The following GNAZ variants were observed in gnomAD, a reference collection of about 807,000 sequenced individuals.
GNAZ encodes the protein G protein subunit alpha z.
Under a neutral mutation model 25.4 loss-of-function variants are expected in GNAZ, and 3 were observed. That is an observed-to-expected ratio of 0.12 (90% CI 0.05 to 0.30). The LOEUF (loss-of-function observed/expected upper bound fraction) is 0.30, where lower values mean the gene tolerates loss of function less well. Ranked by LOEUF, GNAZ falls within the 10% of genes least tolerant of loss-of-function variation. The probability of loss-of-function intolerance (pLI) is 1.00; values close to 1 mark genes in which losing one functional copy is unlikely to be tolerated. For missense variants in GNAZ, 241 were observed against 501.8 expected (o/e 0.48, Z 4.97); for synonymous variants, 211 against 205.7 (o/e 1.03, Z -0.22).
intron 2 of GNAZ, 103 bp downstream of exon 2, chr22:23,096,521 A>C: frequency 8.0e-7 from 1 of 1,247,578 alleles, no homozygotes; most frequent in Admixed American, 2.2e-5. Context: ...CAGAAAGGGA[A>C]CCAGGCGCAG....
rs1006491022 is a variant in GNAZ, at chr22:23,071,669, A to G, written c.-450+1099A>G. ...ACTGATTGACCACCGCATAGGGGAA[A>G]ACGTCTCTACTCGACCAACCCCGCT... On this transcript the variant is annotated intron_variant, in intron 1 of 2. Transcript: ENST00000615612. This position sits in a 1 kb window ranked among gnomAD's most constrained non-coding sequence, Gnocchi z 4.1. 5.3e-5 allele frequency among the ~76,000 whole-genome samples: 8 copies of G among 152,090 alleles called. No homozygotes were observed. The highest frequency in any genetic ancestry group is 1.9e-4 in the African/African-American group (8 of 41,418).
chr22:23,097,280 T>A (rs773473842), intron 2 of GNAZ, among the ~76,000 whole-genome samples: 15 of 152,230 alleles, frequency 9.9e-5, no homozygotes, highest in Non-Finnish European at 1.6e-4. Context: ...TTGGGAGCAC[T>A]GGCCTCCGAG....
chr22:23,080,076 G>A (rs2068634201), intron 1 of GNAZ, among the ~76,000 whole-genome samples: 1 of 152,194 alleles, frequency 6.6e-6, no homozygotes, highest in Admixed American at 6.5e-5. Context: ...CTCTCTCCAA[G>A]GCAGCAACCT....
At chr22:23,081,858 G>A (rs1304790569) in intron 1 of GNAZ, among the ~76,000 whole-genome samples, 1 of 148,920 alleles carries the variant, frequency 6.7e-6, no homozygotes, top group African/African-American at 2.5e-5. Flanking sequence ...AGGCGCAGTG[G>A]CTCACGCCTG....
At chr22:23,083,692 G>A (rs1047190376) in intron 1 of GNAZ, among the ~76,000 whole-genome samples, 5 of 152,190 alleles carry the variant, frequency 3.3e-5, no homozygotes, top group African/African-American at 1.2e-4. Flanking sequence ...GTCAGGGAAG[G>A]TGCCTGCAGG....
chr22:23,105,782 G>A (rs116488788), intron 2 of GNAZ, among the ~76,000 whole-genome samples: 254 of 152,332 alleles, frequency 1.7e-3, no homozygotes, highest in African/African-American at 5.7e-3. Flanking sequence ...GGGGAGCAGG[G>A]GTGCAGGTTA....
At chr22:23,120,522 T>A (rs1386103992) in intron 2 of GNAZ, among the ~76,000 whole-genome samples, 1 of 152,102 alleles carries the variant, frequency 6.6e-6, no homozygotes, top group Non-Finnish European at 1.5e-5. Flanking sequence ...CTCCTGCTCC[T>A]CCTCTTACCT....
rs2068677933 is a variant in GNAZ at position 23,081,542 on chromosome 22, TAGGCCAATC to T, written c.-450+10976_-450+10984del. On this transcript the variant is annotated intron_variant, in intron 1 of 2. Transcript: ENST00000615612. ...AATCAGGTTATAGGCCAATATGTTA[TAGGCCAATC>T]AGGTTCATGCCTGTAATCCCAGCAC... Among the ~76,000 whole-genome samples, 3 of 151,948 alleles carry T rather than the reference TAGGCCAATC, an allele frequency of 2.0e-5. No homozygotes were observed. The East Asian group carries it at 5.8e-4, about 29-fold the overall frequency.
chr22:23,120,299 G>A (rs575585421), intron 2 of GNAZ, among the ~76,000 whole-genome samples: 4 of 152,054 alleles, frequency 2.6e-5, no homozygotes, highest in African/African-American at 9.6e-5. Flanking sequence ...GGACTCACGG[G>A]GGCCACAGTC....
chr22:23,122,204 C>G (rs1473328146), intron 2 of GNAZ, among the ~76,000 whole-genome samples: 1 of 152,210 alleles, frequency 6.6e-6, no homozygotes, highest in Non-Finnish European at 1.5e-5. Flanking sequence ...AAGTGGTGAA[C>G]TGGGGAGTCA....
At chr22:23,111,721 A>G (rs1050671849) in intron 2 of GNAZ, among the ~76,000 whole-genome samples, 1 of 152,080 alleles carries the variant, frequency 6.6e-6, no homozygotes, top group Admixed American at 6.6e-5. Flanking sequence ...GACAGCCAGT[A>G]CCTCCCAGGC....
At position 23,095,504 on chromosome 22, in the gene GNAZ, A is replaced by G. The variant is rs1015803631; in HGVS notation, c.-192A>G. The G allele has an allele frequency of 6.0e-5, 38 of 633,086 alleles. No homozygotes were observed. The highest frequency in any genetic ancestry group is 1.0e-4 in the Non-Finnish European group (37 of 369,004). 39.2% of individuals were successfully genotyped at this position (633,086 alleles called of 1,614,324 possible). A position where few individuals can be genotyped will look rare whatever the true frequency, so the allele number is the denominator to read the frequency against. ...GGGAGGGGCGGCCACCGCCCGCTGC[A>G]CAGAGCGCCATGCCGGCTGGAGAAG... On this transcript the variant is annotated 5_prime_UTR_variant, in exon 2 of 3. Coordinates refer to ENST00000615612, the MANE Select transcript of GNAZ (RefSeq NM_002073.4).
intron 1 of GNAZ, among the ~76,000 whole-genome samples, chr22:23,086,960 G>A (rs188340056): frequency 1.1e-3 from 170 of 152,376 alleles, no homozygotes; most frequent in African/African-American, 3.9e-3. Flanking sequence ...GACAGGGAGT[G>A]TGCAGCTTGT....
chr22:23,075,590 C>T (rs1226326354), intron 1 of GNAZ, among the ~76,000 whole-genome samples: 9 of 152,304 alleles, frequency 5.9e-5, no homozygotes, highest in Admixed American at 5.2e-4. Context: ...CTTTTAGAGA[C>T]GTCCCTGGAG....
Position 23,081,821 on chromosome 22 carries a change from C to CAA in GNAZ, c.-450+11272_-450+11273dup, listed in dbSNP as rs55713577. 5.1e-3 allele frequency among the ~76,000 whole-genome samples: 236 copies of CAA among 46,502 alleles called. 2 individuals carry two copies. Among genetic ancestry groups the CAA allele is most frequent in the Non-Finnish European group, 5.7e-3 (148 of 25,914 alleles). 30.5% of individuals were successfully genotyped at this position (46,502 alleles called of 152,430 possible). A position where few individuals can be genotyped will look rare whatever the true frequency, so the allele number is the denominator to read the frequency against. ...TGGGCAACAGAGTGAGATTCCATCT[C>CAA]AAAAAAAAAAAAAAAAAAAAAAGGC... is the stretch of plus-strand genomic sequence containing the variant. On this transcript the variant is annotated intron_variant, in intron 1 of 2. Coordinates refer to ENST00000615612, the MANE Select transcript of GNAZ (RefSeq NM_002073.4).
At chr22:23,098,835 G>A (rs1031824216) in intron 2 of GNAZ, among the ~76,000 whole-genome samples, 3 of 152,238 alleles carry the variant, frequency 2.0e-5, no homozygotes, top group African/African-American at 7.2e-5. Context: ...AGTGGTGCCG[G>A]CAGTGAGGAC....
rs2068333002 is a variant in GNAZ, at chr22:23,070,554, T to A, written c.-466T>A. 1 of 150,902 alleles carries A rather than the reference T, an allele frequency of 6.6e-6. No individual in the cohort carries two copies. Among genetic ancestry groups the A allele is most frequent in the Admixed American group, 6.6e-5 (1 of 15,188 alleles). The allele number at this position is 150,902 out of a possible 1,614,324, so 9.3% of individuals were successfully genotyped here. ...GCCCGGAGCAGCTCGGCAGATGCTC[T>A]GTGCTGCGGCCCGGAGGTGAGTGAG... On this transcript the variant is annotated 5_prime_UTR_variant, in exon 1 of 3. Coordinates refer to ENST00000615612, the MANE Select transcript of GNAZ (RefSeq NM_002073.4).
intron 2 of GNAZ, among the ~76,000 whole-genome samples, chr22:23,114,745 G>T (rs1318899129): frequency 1.3e-5 from 2 of 152,218 alleles, no homozygotes; most frequent in Non-Finnish European, 2.9e-5. Flanking sequence ...AGAACAGCTG[G>T]CAGAGCAGGA....
rs199547495 is a variant in GNAZ at position 23,096,006 on chromosome 22, C to T, written c.311C>T (p.Ala104Val). The change falls in exon 2 of 3, where the codon GCT becomes GTT. Residue 104 changes from alanine (A) to valine (V), a missense_variant. Transcript: ENST00000615612. ...CACAACCCCGACCGCGCCTACGACG[C>T]TGTGCAGCTCTTTGCGCTGACGGGC... ...DFHNPDRAYD[A>V]VQLFALTGPA... The T allele has an allele frequency of 2.5e-6, 4 of 1,608,122 alleles. No individual in the cohort carries two copies. Among genetic ancestry groups the T allele is most frequent in the East Asian group, 4.5e-5 (2 of 44,886 alleles).
Sources: gnomAD v4.1 joint callset for allele counts (sites outside exome capture counted in the v4.1 genomes callset) on GRCh38, gnomAD v4.1.1 for gene constraint, Gnocchi (gnomAD v3.1) non-coding constraint, MANE v1.5 for transcripts, NCBI Gene and HGNC (gene_info 2026-07-23, HGNC 2026-07-21) for gene names.